Variants in AK5 observed in about 807,000 individuals in gnomAD.
The protein encoded by AK5 is adenylate kinase isoenzyme 5.
A neutral mutation model predicts 69.5 loss-of-function variants in AK5; 27 were observed. The ratio of observed to expected loss-of-function variants is 0.39; its 90% CI spans 0.29 to 0.54. AK5 has a LOEUF of 0.54. Among genes scored for constraint, AK5 ranks in the 20% least tolerant of loss-of-function variants. The pLI is 0.71. For synonymous variants in AK5, 260 were observed against 244.4 expected (o/e 1.06, Z -0.60); for missense variants, 531 against 700.4 (o/e 0.76, Z 2.73).
At chr1:77,496,984 A>G (rs1463981306) in intron 10 of AK5, among the ~76,000 whole-genome samples, 2 of 152,120 alleles carry the variant, frequency 1.3e-5, no homozygotes, top group Non-Finnish European at 2.9e-5. Context: ...AAAGCTGGCC[A>G]CCCCAGCCAG....
At chr1:77,332,604 A>ATTATTTATTTAT (rs71588894) in intron 5 of AK5, among the ~76,000 whole-genome samples, 2 of 146,198 alleles carry the variant, frequency 1.4e-5, no homozygotes, top group African/African-American at 5.0e-5. Flanking sequence ...TATTTATTTG[A>ATTATTTATTTAT]TTATTTATTT....
intron 8 of AK5, among the ~76,000 whole-genome samples, chr1:77,437,062 T>C (rs1173093886): frequency 1.3e-5 from 2 of 152,162 alleles, no homozygotes; most frequent in Admixed American, 6.5e-5. Context: ...CAAAGATAAA[T>C]GTAAAACTGC....
intron 5 of AK5, among the ~76,000 whole-genome samples, chr1:77,304,157 C>T (rs566194938): frequency 3.9e-5 from 6 of 152,224 alleles, no homozygotes; most frequent in Admixed American, 1.3e-4. Flanking sequence ...CCGACACATC[C>T]GCAACCCCTT....
chr1:77,555,171 G>T (rs151291187), intron 13 of AK5, among the ~76,000 whole-genome samples: 8 of 152,192 alleles, frequency 5.3e-5, no homozygotes, highest in South Asian at 4.2e-4. Context: ...CCAGCTACTC[G>T]GGAGGCTGAG....
intron 6 of AK5, among the ~76,000 whole-genome samples, chr1:77,376,311 G>A (rs948961405): frequency 3.9e-5 from 6 of 152,006 alleles, no homozygotes; most frequent in African/African-American, 1.2e-4. Flanking sequence ...GGGAGGGCAA[G>A]TAGGTCGAAG....
intron 12 of AK5, 53 bp downstream of exon 12, chr1:77,521,996 A>G: frequency 7.5e-7 from 1 of 1,334,702 alleles, no homozygotes; most frequent in Non-Finnish European, 1.0e-6. Flanking sequence ...GACATCCTTG[A>G]GGTTGGGTGA....
At chr1:77,431,826 G>C (rs767993246) in intron 8 of AK5, among the ~76,000 whole-genome samples, 2 of 152,108 alleles carry the variant, frequency 1.3e-5, no homozygotes, top group African/African-American at 4.8e-5. Context: ...CAAAGGTCTT[G>C]TAAGAAAAAA....
intron 6 of AK5, among the ~76,000 whole-genome samples, chr1:77,357,060 T>G (rs1392042853): frequency 1.3e-5 from 2 of 152,220 alleles, no homozygotes; most frequent in Non-Finnish European, 2.9e-5. Flanking sequence ...CTTCTCTCTC[T>G]TTGAGCATGG....
At chr1:77,283,658 A>G in intron 1 of AK5, 2 of 973,980 alleles carry the variant, frequency 2.1e-6, no homozygotes, top group Non-Finnish European at 2.4e-6. Context: ...GCCCAAATCT[A>G]GCAAATGTGT....
chr1:77,429,291 A>T (rs567343212), intron 8 of AK5, among the ~76,000 whole-genome samples: 21 of 152,318 alleles, frequency 1.4e-4, no homozygotes, highest in Admixed American at 1.2e-3. Flanking sequence ...AATGATCGCC[A>T]TTCTAACTGG....
intron 10 of AK5, among the ~76,000 whole-genome samples, chr1:77,487,091 T>C (rs1197493726): frequency 6.6e-6 from 1 of 152,236 alleles, no homozygotes; most frequent in Non-Finnish European, 1.5e-5. Flanking sequence ...CTCTTTGCTC[T>C]AGTACAGTGA....
chr1:77,473,849 C>T (rs1028486047), intron 8 of AK5, among the ~76,000 whole-genome samples: 11 of 152,312 alleles, frequency 7.2e-5, no homozygotes, highest in Admixed American at 7.2e-4. Flanking sequence ...CCCTGGCATA[C>T]AGCAAATGCT....
At chr1:77,468,266 T>A (rs1654265397) in intron 8 of AK5, among the ~76,000 whole-genome samples, 1 of 152,256 alleles carries the variant, frequency 6.6e-6, no homozygotes, top group African/African-American at 2.4e-5. Context: ...AAAAAATTGA[T>A]AAACCTTCAC....
chr1:77,393,467 A>G (rs544635169), intron 6 of AK5, among the ~76,000 whole-genome samples: 1 of 152,348 alleles, frequency 6.6e-6, no homozygotes, highest in African/African-American at 2.4e-5. Context: ...TATTTATGAA[A>G]TAAATGTAAA....
intron 5 of AK5, among the ~76,000 whole-genome samples, chr1:77,336,100 TGAGATGGA>T (rs1661345659): frequency 6.6e-6 from 1 of 151,182 alleles, no homozygotes; most frequent in Non-Finnish European, 1.5e-5. Flanking sequence ...TTTTTTTTTT[TGAGATGGA>T]GTCTCACTCT....
intron 7 of AK5, among the ~76,000 whole-genome samples, chr1:77,413,635 A>G (rs1046640182): frequency 1.3e-5 from 2 of 152,170 alleles, no homozygotes; most frequent in African/African-American, 4.8e-5. Flanking sequence ...GCTACCCCAG[A>G]GGATTGTTCT....
chr1:77,310,186 T>C (rs1166266164), intron 5 of AK5, among the ~76,000 whole-genome samples: 1 of 152,132 alleles, frequency 6.6e-6, no homozygotes, highest in Non-Finnish European at 1.5e-5. Flanking sequence ...CCAAAGAACG[T>C]TTGTTGACTT....
intron 8 of AK5, among the ~76,000 whole-genome samples, chr1:77,464,815 T>C (rs999931066): frequency 6.6e-6 from 1 of 152,114 alleles, no homozygotes; most frequent in African/African-American, 2.4e-5. Flanking sequence ...TCAGAGGGCA[T>C]TTTAATTATT....
chr1:77,376,991 G>A (rs757156006), intron 6 of AK5, among the ~76,000 whole-genome samples: 48 of 152,250 alleles, frequency 3.2e-4, no homozygotes, highest in Non-Finnish European at 5.7e-4. Context: ...ACACTGGTCC[G>A]TACTAAAGCT....
Sources: allele counts gnomAD v4.1 joint callset (sites outside exome capture counted in the v4.1 genomes callset), GRCh38; gene constraint gnomAD v4.1.1; transcripts MANE v1.5; gene names NCBI Gene and HGNC (gene_info 2026-07-23, HGNC 2026-07-21).